The following THSD4 variants were observed in gnomAD, a reference collection of about 807,000 sequenced individuals.
THSD4 encodes the protein thrombospondin type 1 domain containing 4, also known as thrombospondin type-1 domain-containing protein 4.
In THSD4, 69 loss-of-function variants were observed where a neutral mutation model predicts 119.0. The observed-to-expected ratio is 0.58, with a 90% CI of 0.48 to 0.71. THSD4 has a LOEUF of 0.71. Ranked by LOEUF, THSD4 falls within the 30% of genes least tolerant of loss-of-function variation. The pLI, the probability that THSD4 is intolerant of heterozygous loss-of-function variation, is 0.00. For missense variants in THSD4, 1,393 were observed against 1,391.1 expected (o/e 1.00, Z -0.02); for synonymous variants, 524 against 540.4 (o/e 0.97, Z 0.42).
chr15:71,236,263 G>T (rs2044105018), intron 4 of THSD4, among the ~76,000 whole-genome samples: 1 of 152,228 alleles, frequency 6.6e-6, no homozygotes, highest in Non-Finnish European at 1.5e-5. Flanking sequence ...CTCTGTCCTG[G>T]AAACTGAGAG....
At chr15:71,445,322 T>C (rs2140566936) in intron 7 of THSD4, among the ~76,000 whole-genome samples, 1 of 152,284 alleles carries the variant, frequency 6.6e-6, no homozygotes, top group East Asian at 1.9e-4. Flanking sequence ...AATCCTAAAC[T>C]AGGAACAAAC....
chr15:71,456,282 A>G (rs73441540), intron 7 of THSD4, among the ~76,000 whole-genome samples: 22 of 152,342 alleles, frequency 1.4e-4, no homozygotes, highest in African/African-American at 5.1e-4. Context: ...TTTAAGGCAA[A>G]GTAATGCATT....
chr15:71,442,028 G>T (rs1289042326), intron 7 of THSD4, among the ~76,000 whole-genome samples: 4 of 151,994 alleles, frequency 2.6e-5, no homozygotes, highest in Non-Finnish European at 4.4e-5. Flanking sequence ...GCGCCATCTT[G>T]GCACACGGCA....
At chr15:71,190,405 C>T (rs2043661127) in intron 3 of THSD4, among the ~76,000 whole-genome samples, 1 of 152,278 alleles carries the variant, frequency 6.6e-6, no homozygotes, top group East Asian at 1.9e-4. Flanking sequence ...CTATTGGGCT[C>T]CCTTCCATGT....
At chr15:71,367,718 A>G (rs915410472) in intron 6 of THSD4, among the ~76,000 whole-genome samples, 5 of 152,160 alleles carry the variant, frequency 3.3e-5, no homozygotes, top group Non-Finnish European at 7.3e-5. Flanking sequence ...AGTCTTTGCT[A>G]TTGTGAACAG....
chr15:71,180,237 C>G (rs2043501643), intron 3 of THSD4, among the ~76,000 whole-genome samples: 1 of 149,964 alleles, frequency 6.7e-6, no homozygotes, highest in Non-Finnish European at 1.5e-5. Context: ...AAAGTATTTG[C>G]AAATCATATA....
At chr15:71,753,894 G>A (rs2053492129) in intron 14 of THSD4, among the ~76,000 whole-genome samples, 1 of 152,098 alleles carries the variant, frequency 6.6e-6, no homozygotes, top group African/African-American at 2.4e-5. Flanking sequence ...GCACTGGCAT[G>A]GTCCTTCATA....
chr15:71,332,145 T>G lies in THSD4; in HGVS notation c.1015+75430T>G, dbSNP rs542904376. ...GAGTCCCATGTCTCCCAGGAATAGG[T>G]TTGTCTCAGTACCCCTGCTGGGTTC... On this transcript the variant is annotated intron_variant, in intron 6 of 17. Transcript: ENST00000261862. Among the ~76,000 whole-genome samples, 5 of 152,168 alleles carry G rather than the reference T, an allele frequency of 3.3e-5. No homozygotes were observed. The South Asian group carries it at 1.0e-3, about 32-fold the overall frequency.
intron 16 of THSD4, among the ~76,000 whole-genome samples, chr15:71,770,346 T>A (rs1350062719): frequency 1.6e-5 from 2 of 127,496 alleles, no homozygotes; most frequent in African/African-American, 6.1e-5. Context: ...ATATGTCCTT[T>A]AAAAAAAAAA....
chr15:71,359,011 A>C (rs1256836922), intron 6 of THSD4, among the ~76,000 whole-genome samples: 2 of 152,246 alleles, frequency 1.3e-5, no homozygotes, highest in Non-Finnish European at 2.9e-5. Flanking sequence ...TTACCATAGC[A>C]AAGCTGGCTG....
intron 8 of THSD4, among the ~76,000 whole-genome samples, chr15:71,674,706 C>T (rs1595852802): frequency 6.6e-6 from 1 of 152,068 alleles, no homozygotes. Flanking sequence ...ATTCTGCACC[C>T]GCTCCCCATA....
intron 7 of THSD4, among the ~76,000 whole-genome samples, chr15:71,530,330 A>G (rs1204711478): frequency 6.6e-6 from 1 of 152,124 alleles, no homozygotes; most frequent in Non-Finnish European, 1.5e-5. Context: ...CCAGTTCAGT[A>G]TGGTGCTGCC....
At chr15:71,366,222 C>T (rs1473368489) in intron 6 of THSD4, among the ~76,000 whole-genome samples, 6 of 152,106 alleles carry the variant, frequency 3.9e-5, no homozygotes, top group Admixed American at 1.3e-4. Context: ...TACAGGCACC[C>T]GCCTCCATGC....
intron 3 of THSD4, among the ~76,000 whole-genome samples, chr15:71,194,801 G>T (rs1350791691): frequency 6.6e-6 from 1 of 152,162 alleles, no homozygotes; most frequent in African/African-American, 2.4e-5. Flanking sequence ...CTGCACTGTT[G>T]GATTGTAAGA....
At chr15:71,366,650 G>T (rs1419788954) in intron 6 of THSD4, among the ~76,000 whole-genome samples, 2 of 152,114 alleles carry the variant, frequency 1.3e-5, no homozygotes, top group African/African-American at 4.8e-5. Context: ...TCTTATGTGG[G>T]ATTTCAAATC....
chr15:71,679,507 C>T (rs146072418), intron 8 of THSD4, among the ~76,000 whole-genome samples: 1 of 152,254 alleles, frequency 6.6e-6, no homozygotes, highest in African/African-American at 2.4e-5. Context: ...GTTTGCCCAC[C>T]CTTGTTTTGG....
At chr15:71,569,464 C>A (rs2049308695) in intron 7 of THSD4, among the ~76,000 whole-genome samples, 1 of 151,982 alleles carries the variant, frequency 6.6e-6, no homozygotes, top group Non-Finnish European at 1.5e-5. Flanking sequence ...TGCCTTCATT[C>A]TAAAAAGAAT....
At chr15:71,494,278 AACTT>A (rs1269768808) in intron 7 of THSD4, among the ~76,000 whole-genome samples, 6 of 152,136 alleles carry the variant, frequency 3.9e-5, no homozygotes, top group East Asian at 3.9e-4. Flanking sequence ...GGTGAATACT[AACTT>A]TTTTTAAAAA....
At chr15:71,123,653 T>A (rs894561158) in intron 1 of THSD4, among the ~76,000 whole-genome samples, 60 of 152,138 alleles carry the variant, frequency 3.9e-4, no homozygotes, top group African/African-American at 1.4e-3. Context: ...GTAGAGAGGC[T>A]GGGGGACCCA....
Sources: allele counts gnomAD v4.1 joint callset (sites outside exome capture counted in the v4.1 genomes callset), GRCh38; gene constraint gnomAD v4.1.1; transcripts MANE v1.5; gene names NCBI Gene and HGNC (gene_info 2026-07-23, HGNC 2026-07-21).